The following ENTREP2 variants were observed in gnomAD, a reference collection of about 807,000 sequenced individuals.
The protein encoded by ENTREP2 is protein ENTREP2.
chr15:29,145,344 T>G, the ENTREP2 span, among the ~76,000 whole-genome samples: 1 of 152,136 alleles, frequency 6.6e-6, no homozygotes, highest in Admixed American at 6.5e-5. Flanking sequence ...CCCAACAGGC[T>G]GGACACGGTG....
chr15:29,642,256 A>G, the ENTREP2 span, among the ~76,000 whole-genome samples: 2 of 152,074 alleles, frequency 1.3e-5, no homozygotes, highest in Non-Finnish European at 1.5e-5. Context: ...GTTAACAATA[A>G]TCAAGACAGC....
chr15:29,354,819 C>CA, the ENTREP2 span, among the ~76,000 whole-genome samples: 3 of 151,638 alleles, frequency 2.0e-5, no homozygotes, highest in African/African-American at 2.4e-5. Context: ...CCAGATACTG[C>CA]AAAAAAAGAA....
chr15:29,656,895 A>C, the ENTREP2 span, among the ~76,000 whole-genome samples: 11 of 152,188 alleles, frequency 7.2e-5, no homozygotes, highest in Non-Finnish European at 1.3e-4. Context: ...AAACCTGTAC[A>C]CAAACGTTTA....
the ENTREP2 span, among the ~76,000 whole-genome samples, chr15:29,622,850 G>A: frequency 6.6e-6 from 1 of 152,214 alleles, no homozygotes; most frequent in Non-Finnish European, 1.5e-5. Context: ...CCGTGGAGAT[G>A]AACGAGTCCT....
chr15:29,668,750 C>T, the ENTREP2 span, among the ~76,000 whole-genome samples: 3 of 152,168 alleles, frequency 2.0e-5, no homozygotes, highest in Non-Finnish European at 4.4e-5. Context: ...TCTGACATTC[C>T]CTTATCTGTC....
the ENTREP2 span, among the ~76,000 whole-genome samples, chr15:29,129,895 CTG>C: frequency 1.3e-5 from 2 of 152,190 alleles, no homozygotes; most frequent in African/African-American, 4.8e-5. Context: ...TTTTGAATCC[CTG>C]TGTTATTTCA....
the ENTREP2 span, among the ~76,000 whole-genome samples, chr15:29,146,650 T>C: frequency 1.3e-5 from 2 of 152,124 alleles, no homozygotes; most frequent in African/African-American, 4.8e-5. Flanking sequence ...TAAACACCTA[T>C]GTGCAGGCCG....
the ENTREP2 span, among the ~76,000 whole-genome samples, chr15:29,246,045 C>T: frequency 6.6e-6 from 1 of 152,144 alleles, no homozygotes; most frequent in African/African-American, 2.4e-5. Context: ...AGGCCAGTTC[C>T]CCAAGCAGCA....
At chr15:29,626,262 T>C in the ENTREP2 span, among the ~76,000 whole-genome samples, 2 of 152,224 alleles carry the variant, frequency 1.3e-5, no homozygotes, top group Non-Finnish European at 2.9e-5. Context: ...CACCCAAATC[T>C]CACCTTGAAT....
At chr15:29,365,617 G>A in the ENTREP2 span, among the ~76,000 whole-genome samples, 2 of 151,592 alleles carry the variant, frequency 1.3e-5, no homozygotes, top group Admixed American at 6.6e-5. Flanking sequence ...ACAAGGTTGC[G>A]CTTTTTTTAC....
At chr15:29,645,494 C>T in the ENTREP2 span, among the ~76,000 whole-genome samples, 2 of 152,194 alleles carry the variant, frequency 1.3e-5, no homozygotes, top group Non-Finnish European at 2.9e-5. Flanking sequence ...AAAGTTGCCA[C>T]ATTACAGTAG....
the ENTREP2 span, among the ~76,000 whole-genome samples, chr15:29,365,957 C>T: frequency 1.3e-5 from 2 of 152,142 alleles, no homozygotes; most frequent in Non-Finnish European, 2.9e-5. Flanking sequence ...GTGTCCTGTG[C>T]TCTGATGTAG....
At chr15:29,657,483 C>CAGGGCGGGGCGGGGGGGGG in the ENTREP2 span, among the ~76,000 whole-genome samples, 2 of 69,382 alleles carry the variant, frequency 2.9e-5, no homozygotes, top group African/African-American at 1.2e-4. Context: ...GCTGGGGGGG[C>CAGGGCGGGGCGGGGGGGGG]GGGGGGGGGG....
At chr15:29,283,328 C>T in the ENTREP2 span, among the ~76,000 whole-genome samples, 2 of 152,204 alleles carry the variant, frequency 1.3e-5, no homozygotes, top group African/African-American at 4.8e-5. Flanking sequence ...GGAAAACAAT[C>T]CCACCCTATC....
the ENTREP2 span, among the ~76,000 whole-genome samples, chr15:29,153,015 T>G: frequency 6.6e-6 from 1 of 152,226 alleles, no homozygotes; most frequent in Non-Finnish European, 1.5e-5. Context: ...ATAAAATGTT[T>G]TATTTTGCAT....
the ENTREP2 span, among the ~76,000 whole-genome samples, chr15:29,178,099 C>G: frequency 6.6e-6 from 1 of 151,926 alleles, no homozygotes; most frequent in East Asian, 1.9e-4. Context: ...TGGGGACCAG[C>G]CTGGGCAACA....
the ENTREP2 span, among the ~76,000 whole-genome samples, chr15:29,270,646 C>G: frequency 1.6e-4 from 21 of 130,118 alleles, no homozygotes; most frequent in South Asian, 4.4e-3. Flanking sequence ...AATATATTAG[C>G]TTTGAGGAAA....
the ENTREP2 span, among the ~76,000 whole-genome samples, chr15:29,387,150 C>CT: frequency 6.6e-6 from 1 of 152,028 alleles, no homozygotes; most frequent in African/African-American, 2.4e-5. Context: ...ATAGATGGCT[C>CT]TTATTATTTT....
the ENTREP2 span, among the ~76,000 whole-genome samples, chr15:29,487,676 T>C: frequency 2.6e-5 from 4 of 152,224 alleles, no homozygotes; most frequent in Admixed American, 2.0e-4. Context: ...CTCTGTTTAA[T>C]ATGCAAAATG....
Sources: allele counts gnomAD v4.1 joint callset (sites outside exome capture counted in the v4.1 genomes callset), GRCh38; gene constraint gnomAD v4.1.1; transcripts MANE v1.5; gene names NCBI Gene and HGNC (gene_info 2026-07-23, HGNC 2026-07-21).